The following GON4L variants were observed in gnomAD, a reference collection of about 807,000 sequenced individuals.
The protein encoded by GON4L is gon-4 like.
Under a neutral mutation model 211.8 loss-of-function variants are expected in GON4L, and 87 were observed. That is an observed-to-expected ratio of 0.41 (90% CI 0.35 to 0.49). The LOEUF is 0.49. GON4L is among the 20% of genes least tolerant of loss of function. GON4L has a pLI of 0.15. For missense variants in GON4L, 2,155 were observed against 2,659.5 expected, an observed-to-expected ratio of 0.81 and a Z score of 4.17; for synonymous variants, 875 against 962.6, an observed-to-expected ratio of 0.91 and a Z score of 1.68.
chr1:155,748,636 C>T (rs1660349237), downstream of GON4L: 2 of 1,613,284 alleles, frequency 1.2e-6, no homozygotes, highest in South Asian at 2.2e-5. Flanking sequence ...ATCCCTTTCC[C>T]CTTGGCTCCA....
rs1332509058 is a variant in GON4L, at chr1:155,791,910, AACATAACATAACATC to A, written c.1747+3125_1747+3139del. Among the ~76,000 whole-genome samples the A allele has an allele frequency of 3.4e-3, 418 of 124,178 alleles. 4 individuals carry two copies. Among genetic ancestry groups the A allele is most frequent in the African/African-American group, 0.012 (335 of 28,774 alleles). 81.5% of individuals were successfully genotyped at this position (124,178 alleles called of 152,430 possible). A position where few individuals can be genotyped will look rare whatever the true frequency, so the allele number is the denominator to read the frequency against. ...AACATAACATAACATAACATAACAT[AACATAACATAACATC>A]ACATAACATAACATAACATAAAGAC... On this transcript the variant is annotated intron_variant, in intron 12 of 31. Coordinates refer to ENST00000368331, the MANE Select transcript of GON4L (RefSeq NM_001282860.2).
chr1:155,847,338 G>A (rs892015639), intron 2 of GON4L, among the ~76,000 whole-genome samples: 8 of 152,094 alleles, frequency 5.3e-5, no homozygotes, highest in East Asian at 1.9e-4. Context: ...AGGCTGAGGC[G>A]GGCAGATGAT....
chr1:155,818,953 G>A (rs1042374526), intron 6 of GON4L, among the ~76,000 whole-genome samples: 21 of 151,284 alleles, frequency 1.4e-4, no homozygotes, highest in African/African-American at 4.6e-4. Flanking sequence ...AGCTGAGATC[G>A]CACCACTGCA....
intron 2 of GON4L, chr1:155,845,653 C>A (rs1378366041): frequency 3.0e-5 from 10 of 329,142 alleles, no homozygotes; most frequent in African/African-American, 2.2e-4. Context: ...TTGAGTGGTA[C>A]CACATAGGCC....
At chr1:155,764,914 G>A (rs138422341) in intron 21 of GON4L, 86 bp downstream of exon 21, 15 of 1,608,766 alleles carry the variant, frequency 9.3e-6, no homozygotes, top group Middle Eastern at 1.6e-4. Context: ...ACTATCCATA[G>A]TGCAGCAAGC....
At chr1:155,788,776 C>T (rs1665208654) in intron 12 of GON4L, among the ~76,000 whole-genome samples, 1 of 152,032 alleles carries the variant, frequency 6.6e-6, no homozygotes, top group African/African-American at 2.4e-5. Context: ...GGTTCTAAAA[C>T]TGGCAAACAT....
chr1:155,850,832 C>T (rs1396724319), intron 2 of GON4L, among the ~76,000 whole-genome samples: 2 of 150,768 alleles, frequency 1.3e-5, no homozygotes, highest in Non-Finnish European at 3.0e-5. Context: ...CGGTGGATCA[C>T]GAGGTCAGGA....
At chr1:155,852,582 A>C (rs1293331573) in intron 2 of GON4L, among the ~76,000 whole-genome samples, 2 of 151,960 alleles carry the variant, frequency 1.3e-5, no homozygotes. Flanking sequence ...TCTACTAAAA[A>C]TACAAAAAAA....
At chr1:155,774,952 C>A (rs1336574622) in intron 17 of GON4L, 50 bp downstream of exon 17, 2 of 1,602,238 alleles carry the variant, frequency 1.2e-6, no homozygotes, top group South Asian at 1.1e-5. Context: ...AAGATTCCCA[C>A]CACCTCTCAC....
intron 14 of GON4L, among the ~76,000 whole-genome samples, chr1:155,781,045 T>C (rs1302847067): frequency 6.6e-6 from 1 of 152,146 alleles, no homozygotes; most frequent in Non-Finnish European, 1.5e-5. Flanking sequence ...TCACCTGCAC[T>C]ACTACCACTG....
chr1:155,773,313 C>T (rs1277129017), intron 17 of GON4L, 103 bp from the exon 18 acceptor site: 3 of 1,326,430 alleles, frequency 2.3e-6, no homozygotes, highest in Non-Finnish European at 3.2e-6. Context: ...CTATCCTTAC[C>T]TAACTTGATT....
chr1:155,778,986 G>C (rs887818138), intron 14 of GON4L, among the ~76,000 whole-genome samples: 1 of 151,690 alleles, frequency 6.6e-6, no homozygotes, highest in Admixed American at 6.6e-5. Flanking sequence ...CTGCTTGTTG[G>C]CCGGACGCGG....
chr1:155,748,010 A>G (rs538429811), downstream of GON4L: 10 of 1,604,792 alleles, frequency 6.2e-6, no homozygotes, highest in East Asian at 2.2e-4. Flanking sequence ...TCTATTAAAC[A>G]CAGCTTTTGG....
At chr1:155,813,250 T>C (rs1397680728) in intron 10 of GON4L, among the ~76,000 whole-genome samples, 1 of 151,424 alleles carries the variant, frequency 6.6e-6, no homozygotes, top group Non-Finnish European at 1.5e-5. Flanking sequence ...TGAGCAAAAA[T>C]ATAGGGAGAC....
At chr1:155,824,816 A>C (rs1669046200) in intron 3 of GON4L, among the ~76,000 whole-genome samples, 1 of 151,634 alleles carries the variant, frequency 6.6e-6, no homozygotes, top group African/African-American at 2.4e-5. Context: ...AATGGGCACA[A>C]GGAAGCAAAA....
At chr1:155,858,081 T>G (rs1361871521), upstream of GON4L, among the ~76,000 whole-genome samples, 2 of 152,192 alleles carry the variant, frequency 1.3e-5, no homozygotes, top group Non-Finnish European at 2.9e-5. Flanking sequence ...AATCAGGTAT[T>G]AAGTCTCCTA....
intron 16 of GON4L, 41 bp from the exon 17 acceptor site, chr1:155,775,214 G>C (rs771947565): frequency 1.2e-6 from 2 of 1,613,162 alleles, no homozygotes; most frequent in Non-Finnish European, 1.7e-6. Flanking sequence ...GACAATTCCA[G>C]ACAATTAATA....
At chr1:155,848,811 A>C (rs945643089) in intron 2 of GON4L, among the ~76,000 whole-genome samples, 2 of 152,256 alleles carry the variant, frequency 1.3e-5, no homozygotes, top group African/African-American at 2.4e-5. Flanking sequence ...AAAGTTAAAC[A>C]TCAAAATGTG....
intron 11 of GON4L, among the ~76,000 whole-genome samples, chr1:155,804,737 G>C (rs986923979): frequency 6.6e-6 from 1 of 151,224 alleles, no homozygotes; most frequent in South Asian, 2.1e-4. Flanking sequence ...AACCGTGACT[G>C]CAACACTGCA....
Sources: gnomAD v4.1 joint callset for allele counts (sites outside exome capture counted in the v4.1 genomes callset) on GRCh38, gnomAD v4.1.1 for gene constraint, MANE v1.5 for transcripts, NCBI Gene and HGNC (gene_info 2026-07-23, HGNC 2026-07-21) for gene names.